EPSTI1: variants seen among roughly 807,000 people sequenced by gnomAD.
EPSTI1 encodes epithelial stromal interaction 1.
Under a neutral mutation model 49.9 loss-of-function variants are expected in EPSTI1, and 66 were observed. The observed-to-expected ratio is 1.32, with a 90% confidence interval of 1.08 to 1.62. The LOEUF (loss-of-function observed/expected upper bound fraction) is 1.62, where lower values mean the gene tolerates loss of function less well. Among genes scored for constraint, EPSTI1 ranks in the 40% most tolerant of loss-of-function variants. The probability of loss-of-function intolerance (pLI) is 0.00; values close to 1 mark genes in which losing one functional copy is unlikely to be tolerated. For synonymous variants in EPSTI1, 137 were observed against 130.7 expected, an observed-to-expected ratio of 1.05 and a Z score of -0.33; for missense variants, 394 against 365.5, an observed-to-expected ratio of 1.08 and a Z score of -0.64.
intron 6 of EPSTI1, among the ~76,000 whole-genome samples, chr13:42,941,504 C>T (rs975219098): frequency 2.0e-5 from 3 of 151,092 alleles, no homozygotes; most frequent in Non-Finnish European, 2.9e-5. Context: ...ACGTGTAGTC[C>T]CCCTACGTGG....
intron 6 of EPSTI1, among the ~76,000 whole-genome samples, chr13:42,942,492 T>C (rs1371494703): frequency 6.6e-6 from 1 of 152,036 alleles, no homozygotes; most frequent in African/African-American, 2.4e-5. Flanking sequence ...ATTAAACATA[T>C]AATAAGCACA....
At chr13:42,925,215 C>T (rs568184677) in intron 7 of EPSTI1, among the ~76,000 whole-genome samples, 2 of 152,216 alleles carry the variant, frequency 1.3e-5, no homozygotes, top group Non-Finnish European at 2.9e-5. Flanking sequence ...CTCTGCTTCT[C>T]TATTCCTTTA....
At chr13:42,908,934 A>G (rs1056435816) in intron 8 of EPSTI1, among the ~76,000 whole-genome samples, 1 of 151,344 alleles carries the variant, frequency 6.6e-6, no homozygotes, top group Admixed American at 6.6e-5. Flanking sequence ...AATACAAAAA[A>G]AAAAAAAAAA....
chr13:42,989,567 C>CTTTTCTTTTTTTTTTTTTTTTTTT (rs1555271094), intron 1 of EPSTI1, among the ~76,000 whole-genome samples: 1 of 79,022 alleles, frequency 1.3e-5, no homozygotes, highest in African/African-American at 4.4e-5. Context: ...CCTCTTTTTT[C>CTTTTCTTTTTTTTTTTTTTTTTTT]TTTTTTTTTT....
chr13:42,957,300 C>T (rs765290964), intron 5 of EPSTI1, among the ~76,000 whole-genome samples: 19 of 152,160 alleles, frequency 1.2e-4, no homozygotes, highest in Non-Finnish European at 2.5e-4. Context: ...ATCAAGCATG[C>T]AGCAAAATAT....
At chr13:42,895,355 A>T (rs911359373) in intron 9 of EPSTI1, among the ~76,000 whole-genome samples, 2 of 152,178 alleles carry the variant, frequency 1.3e-5, no homozygotes, top group African/African-American at 4.8e-5. Context: ...AGTTTCAGGC[A>T]CTCATCTCCT....
At chr13:42,919,128 T>C (rs564686569) in intron 7 of EPSTI1, among the ~76,000 whole-genome samples, 1 of 152,332 alleles carries the variant, frequency 6.6e-6, no homozygotes, top group East Asian at 1.9e-4. Context: ...ACTTGTCATT[T>C]TGTTGTTCTT....
At chr13:42,948,508 C>A (rs899706995) in intron 6 of EPSTI1, among the ~76,000 whole-genome samples, 2 of 135,304 alleles carry the variant, frequency 1.5e-5, no homozygotes. Context: ...AGGTCTCGTT[C>A]TGTTGCTCAG....
chr13:42,926,314 C>G, intron 7 of EPSTI1, 22 bp downstream of exon 7: 1 of 1,423,710 alleles, frequency 7.0e-7, no homozygotes, highest in South Asian at 1.1e-5. Flanking sequence ...CCAGGCAGCA[C>G]CCTGCAAAGT....
chr13:42,982,320 G>C (rs1284408290), intron 1 of EPSTI1, among the ~76,000 whole-genome samples: 3 of 152,190 alleles, frequency 2.0e-5, no homozygotes, highest in African/African-American at 7.2e-5. Context: ...ACCCTAGATG[G>C]TCTAAAGAGG....
intron 6 of EPSTI1, among the ~76,000 whole-genome samples, chr13:42,947,447 C>T (rs917472591): frequency 2.0e-5 from 3 of 152,202 alleles, no homozygotes; most frequent in African/African-American, 7.2e-5. Flanking sequence ...CTCAGGTCTT[C>T]CACCCCAAGT....
At chr13:42,958,942 A>G (rs560850632) in intron 5 of EPSTI1, among the ~76,000 whole-genome samples, 2 of 152,286 alleles carry the variant, frequency 1.3e-5, no homozygotes, top group African/African-American at 4.8e-5. Flanking sequence ...GAAATAATTG[A>G]ACCCATCCAA....
At chr13:42,961,448 C>A (rs966643900) in intron 5 of EPSTI1, among the ~76,000 whole-genome samples, 4 of 152,168 alleles carry the variant, frequency 2.6e-5, no homozygotes, top group African/African-American at 7.2e-5. Flanking sequence ...AGACTCTAGT[C>A]TAGGGAATGC....
chr13:42,921,455 C>G (rs1035381263), intron 7 of EPSTI1, among the ~76,000 whole-genome samples: 1 of 152,114 alleles, frequency 6.6e-6, no homozygotes, highest in East Asian at 1.9e-4. Flanking sequence ...ACATGTTTAC[C>G]TTCCATGTGT....
chr13:42,968,144 G>A (rs1009793788), intron 3 of EPSTI1, among the ~76,000 whole-genome samples: 1 of 152,168 alleles, frequency 6.6e-6, no homozygotes, highest in Admixed American at 6.5e-5. Context: ...AATCTCAGGG[G>A]CCAAGCTAGG....
intron 6 of EPSTI1, among the ~76,000 whole-genome samples, chr13:42,945,166 G>A (rs1165328205): frequency 6.6e-6 from 1 of 152,230 alleles, no homozygotes; most frequent in Non-Finnish European, 1.5e-5. Context: ...GGCTGGGGAG[G>A]CCTCACAATC....
chr13:42,973,719 C>G (rs1781698684), intron 1 of EPSTI1, among the ~76,000 whole-genome samples: 1 of 152,116 alleles, frequency 6.6e-6, no homozygotes, highest in South Asian at 2.1e-4. Context: ...CAGCAAAGGC[C>G]TTTGCTGTTT....
chr13:42,989,351 G>A (rs1223607173), intron 1 of EPSTI1, among the ~76,000 whole-genome samples: 1 of 152,000 alleles, frequency 6.6e-6, no homozygotes, highest in African/African-American at 2.4e-5. Flanking sequence ...AGTAGCTAAG[G>A]ATTTTGTTCA....
At chr13:42,888,816 C>A (rs932631232) in intron 10 of EPSTI1, among the ~76,000 whole-genome samples, 1 of 152,144 alleles carries the variant, frequency 6.6e-6, no homozygotes, top group African/African-American at 2.4e-5. Flanking sequence ...TACACAGTTA[C>A]AGCAAGGACA....
Sources: gnomAD v4.1 joint callset for allele counts (sites outside exome capture counted in the v4.1 genomes callset) on GRCh38, gnomAD v4.1.1 for gene constraint, MANE v1.5 for transcripts, NCBI Gene and HGNC (gene_info 2026-07-23, HGNC 2026-07-21) for gene names.